The following RAB11FIP1 variants were observed in gnomAD, a reference collection of about 807,000 sequenced individuals.
RAB11FIP1 encodes the protein rab11 family-interacting protein 1.
RAB11FIP1 carries 49 observed loss-of-function variants against 83.1 expected under a neutral mutation model. The observed-to-expected ratio is 0.59, with a 90% CI of 0.47 to 0.75. The LOEUF is 0.75. Ranked by LOEUF, RAB11FIP1 falls within the 30% of genes least tolerant of loss-of-function variation. RAB11FIP1 has a pLI of 0.00. For missense variants in RAB11FIP1, 1,536 were observed against 1,598.7 expected (o/e 0.96, Z 0.67); for synonymous variants, 670 against 656.0 (o/e 1.02, Z -0.33).
intron 1 of RAB11FIP1, among the ~76,000 whole-genome samples, chr8:37,886,547 C>T (rs938048410): frequency 5.1e-4 from 77 of 152,180 alleles, no homozygotes; most frequent in African/African-American, 1.7e-3. Context: ...TTTCTGTATC[C>T]AGTTTGGACT....
intron 1 of RAB11FIP1, among the ~76,000 whole-genome samples, chr8:37,883,180 T>C (rs1352751396): frequency 1.3e-5 from 2 of 152,080 alleles, no homozygotes; most frequent in Admixed American, 6.6e-5. Context: ...TTCTGGTTTT[T>C]TTTTCTTGGT....
At chr8:37,895,218 AATATATATATATATATATATAT>A (rs1157101966) in intron 1 of RAB11FIP1, among the ~76,000 whole-genome samples, 267 of 13,702 alleles carry the variant, frequency 0.019, 7 homozygotes, top group African/African-American at 0.046. Flanking sequence ...GGTGCCTGCC[AATATATATATATATATATATAT>A]ATATATATAT....
intron 1 of RAB11FIP1, among the ~76,000 whole-genome samples, chr8:37,888,973 A>G (rs1159192747): frequency 6.6e-6 from 1 of 150,660 alleles, no homozygotes; most frequent in Admixed American, 6.6e-5. Flanking sequence ...AAATTTTTGT[A>G]TTTTTAGTAG....
chr8:37,881,951 G>T (rs1806739389), intron 1 of RAB11FIP1, among the ~76,000 whole-genome samples: 1 of 152,196 alleles, frequency 6.6e-6, no homozygotes, highest in African/African-American at 2.4e-5. Context: ...CAGTCATGTG[G>T]TAAATGGTAG....
chr8:37,898,991 G>C, intron 1 of RAB11FIP1, 80 bp downstream of exon 1: 1 of 1,344,404 alleles, frequency 7.4e-7, no homozygotes, highest in Non-Finnish European at 9.6e-7. Context: ...GCTTACTCTC[G>C]AAGGGTCCAG....
rs77766600 is a variant in RAB11FIP1, at chr8:37,861,371, C to T, written c.*1524G>A. ...GCACCTGTTTTCTACTGACTTTTAACTTTTATTAACTACATTAAGCCCTTC... is the reference window on the plus strand; with the variant it reads ...GCACCTGTTTTCTACTGACTTTTAATTTTTATTAACTACATTAAGCCCTTC... On this transcript the variant is annotated 3_prime_UTR_variant, in exon 6 of 6. Coordinates refer to ENST00000330843, the MANE Select transcript of RAB11FIP1 (RefSeq NM_001002814.3). The T allele has an allele frequency of 9.2e-3, 2,501 of 271,396 alleles. 71 individuals are homozygous for T. The highest frequency in any genetic ancestry group is 0.055 in the African/African-American group (2,362 of 42,826). The allele number at this position is 271,396 out of a possible 1,614,324, so 16.8% of individuals were successfully genotyped here. A position where few individuals can be genotyped will look rare whatever the true frequency, so the allele number is the denominator to read the frequency against.
intron 1 of RAB11FIP1, among the ~76,000 whole-genome samples, chr8:37,898,413 G>A (rs1475118890): frequency 6.6e-6 from 1 of 151,976 alleles, no homozygotes; most frequent in African/African-American, 2.4e-5. Flanking sequence ...CCAGCACTTT[G>A]GGAGGCCGAG....
chr8:37,866,024 G>A (rs1354334755), intron 5 of RAB11FIP1, among the ~76,000 whole-genome samples: 1 of 152,092 alleles, frequency 6.6e-6, no homozygotes, highest in Non-Finnish European at 1.5e-5. Flanking sequence ...GAAGAGCCTA[G>A]TTTTGCAATA....
intron 1 of RAB11FIP1, among the ~76,000 whole-genome samples, chr8:37,890,183 A>G (rs1195672631): frequency 1.3e-5 from 2 of 152,248 alleles, no homozygotes; most frequent in African/African-American, 4.8e-5. Flanking sequence ...GGAAAGGAGC[A>G]GACTGAAGAA....
intron 1 of RAB11FIP1, among the ~76,000 whole-genome samples, chr8:37,895,259 A>ATATATATATATGTT (rs1563376623): frequency 1.4e-4 from 1 of 7,390 alleles, no homozygotes; most frequent in African/African-American, 6.0e-4. Flanking sequence ...ATATATATAT[A>ATATATATATATGTT]TTTTTTTTTT....
rs905115480 is a variant in RAB11FIP1, at chr8:37,862,398, G to A, written c.*497C>T. ...TACATGGTATCAAAATTTAACATCT[G>A]CAGCCAAAAGCCACACCTGAGCTAC... On this transcript the variant is annotated 3_prime_UTR_variant, in exon 6 of 6. Coordinates refer to ENST00000330843, the MANE Select transcript of RAB11FIP1 (RefSeq NM_001002814.3). 1.3e-5 allele frequency: 2 copies of A among 153,676 alleles called. No homozygotes were observed. The highest frequency in any genetic ancestry group is 4.8e-5 in the African/African-American group (2 of 41,434). 9.5% of individuals were successfully genotyped at this position (153,676 alleles called of 1,614,324 possible). A position where few individuals can be genotyped will look rare whatever the true frequency, so the allele number is the denominator to read the frequency against.
intron 1 of RAB11FIP1, among the ~76,000 whole-genome samples, chr8:37,885,139 C>T (rs1253715351): frequency 6.6e-6 from 1 of 151,782 alleles, no homozygotes; most frequent in Non-Finnish European, 1.5e-5. Flanking sequence ...GGATAACAGG[C>T]ATGCGCTACC....
rs761095331 is a variant in RAB11FIP1 at position 37,863,120 on chromosome 8, AG to A, written c.3634-8del. ...GGTCCGAGGGGCTGTATTTCTTTGG[AG>A]GGGGGGAAATAGTTGGGAAAAAGGA... is the stretch of plus-strand genomic sequence containing the variant. On this transcript the variant is annotated splice_region_variant and splice_polypyrimidine_tract_variant and intron_variant, in intron 5 of 5. Coordinates refer to ENST00000330843, the MANE Select transcript of RAB11FIP1 (RefSeq NM_001002814.3). The A allele has an allele frequency of 6.1e-4, 977 of 1,605,358 alleles. 2 individuals are homozygous for A. Among genetic ancestry groups the A allele is most frequent in the Non-Finnish European group, 7.9e-4 (929 of 1,175,220 alleles).
chr8:37,879,334 A>AT (rs1163650525), intron 1 of RAB11FIP1, among the ~76,000 whole-genome samples: 22 of 152,110 alleles, frequency 1.4e-4, no homozygotes, highest in Admixed American at 1.4e-3. Context: ...CAAAAAAAAA[A>AT]GTGAAATCAG....
At chr8:37,866,720 CA>C (rs1806348489) in intron 5 of RAB11FIP1, among the ~76,000 whole-genome samples, 1 of 151,960 alleles carries the variant, frequency 6.6e-6, no homozygotes, top group Non-Finnish European at 1.5e-5. Context: ...GCTAGCATTT[CA>C]TAACTTTAGC....
chr8:37,880,900 T>G (rs1806721967), intron 1 of RAB11FIP1, among the ~76,000 whole-genome samples: 1 of 152,156 alleles, frequency 6.6e-6, no homozygotes, highest in Non-Finnish European at 1.5e-5. Flanking sequence ...CATTCTGAAG[T>G]TCTTTTCGGT....
intron 5 of RAB11FIP1, among the ~76,000 whole-genome samples, 187 bp from the exon 6 acceptor site, chr8:37,863,300 C>T (rs1048611909): frequency 1.3e-5 from 2 of 151,886 alleles, no homozygotes; most frequent in African/African-American, 2.4e-5. Context: ...GCCTGGAGTG[C>T]AGTGGCGCGA....
chr8:37,884,997 TG>T (rs1806800048), intron 1 of RAB11FIP1, among the ~76,000 whole-genome samples: 3 of 147,684 alleles, frequency 2.0e-5, no homozygotes, highest in African/African-American at 2.7e-5. Flanking sequence ...ATTTTTTAAT[TG>T]TTTTTTTTTT....
At chr8:37,896,641 C>T (rs1247019100) in intron 1 of RAB11FIP1, among the ~76,000 whole-genome samples, 1 of 152,120 alleles carries the variant, frequency 6.6e-6, no homozygotes, top group African/African-American at 2.4e-5. Flanking sequence ...AGAGACTGAA[C>T]TCTTCCTGAA....
Sources: allele counts gnomAD v4.1 joint callset (sites outside exome capture counted in the v4.1 genomes callset), GRCh38; gene constraint gnomAD v4.1.1; transcripts MANE v1.5; gene names NCBI Gene and HGNC (gene_info 2026-07-23, HGNC 2026-07-21).